The following COG5 variants were observed in gnomAD, a reference collection of about 807,000 sequenced individuals.
COG5 encodes the protein conserved oligomeric Golgi complex subunit 5.
In COG5, 86 loss-of-function variants were observed where a neutral mutation model predicts 110.4. The observed-to-expected ratio is 0.78, with a 90% CI of 0.65 to 0.93. The LOEUF (loss-of-function observed/expected upper bound fraction) is 0.93, where lower values mean the gene tolerates loss of function less well. Among genes scored for constraint, COG5 ranks in the 40% least tolerant of loss-of-function variants. The pLI, the probability that COG5 is intolerant of heterozygous loss-of-function variation, is 0.00. For synonymous variants in COG5, 360 were observed against 334.6 expected (o/e 1.08, Z -0.83); for missense variants, 1,077 against 987.0 (o/e 1.09, Z -1.22).
chr7:107,485,255 T>C (rs1267718766), intron 6 of COG5, among the ~76,000 whole-genome samples: 7 of 152,206 alleles, frequency 4.6e-5, no homozygotes, highest in Admixed American at 4.6e-4. Flanking sequence ...GCTAAAGAAC[T>C]GAACTTTCAT....
At chr7:107,445,639 T>C (rs1404005301) in intron 6 of COG5, among the ~76,000 whole-genome samples, 1 of 152,170 alleles carries the variant, frequency 6.6e-6, no homozygotes. Flanking sequence ...TTGTTCTATT[T>C]CATTCTTTAG....
intron 12 of COG5, among the ~76,000 whole-genome samples, chr7:107,289,830 T>A (rs988790891): frequency 6.6e-6 from 1 of 152,226 alleles, no homozygotes; most frequent in Non-Finnish European, 1.5e-5. Flanking sequence ...CTATCTGTCA[T>A]CATTTCCTAG....
Position 107,409,383 on chromosome 7 carries a change from C to CCAGTAGATTACTGAAAGTAATCTACTTT in COG5, c.669+3091_669+3118dup, listed in dbSNP as rs539547182. On this transcript the variant is annotated intron_variant, in intron 7 of 21. Coordinates refer to ENST00000297135, the MANE Select transcript of COG5 (RefSeq NM_006348.5). ...AACTGGGAGGTCACCCAGCAGTCAC[C>CCAGTAGATTACTGAAAGTAATCTACTTT]CAGTAGATTACTGAAAGTAATCTAC... Among the ~76,000 whole-genome samples, 596 of 150,182 alleles carry CCAGTAGATTACTGAAAGTAATCTACTTT rather than the reference C, an allele frequency of 4.0e-3. 4 individuals carry two copies. The highest frequency in any genetic ancestry group is 0.013 in the African/African-American group (514 of 40,028).
chr7:107,528,656 A>G (rs1003944299), intron 5 of COG5, among the ~76,000 whole-genome samples: 2 of 152,192 alleles, frequency 1.3e-5, no homozygotes, highest in African/African-American at 4.8e-5. Context: ...CAAAGGAAAG[A>G]GAGACATTCC....
chr7:107,374,558 C>T lies in COG5; in HGVS notation c.670-1798G>A, dbSNP rs554310008. On this transcript the variant is annotated intron_variant, in intron 7 of 21. Coordinates refer to ENST00000297135, the MANE Select transcript of COG5 (RefSeq NM_006348.5). ...ACACTTAAATTTTTCACTTAAAACA[C>T]CTAGCTAAAATAAACCACTCTTCAA... 2.0e-5 allele frequency among the ~76,000 whole-genome samples: 3 copies of T among 152,080 alleles called. No individual in the cohort carries two copies. The East Asian group carries it at 5.8e-4, about 29-fold the overall frequency.
At chr7:107,460,066 A>G (rs902207993) in intron 6 of COG5, among the ~76,000 whole-genome samples, 3 of 152,154 alleles carry the variant, frequency 2.0e-5, no homozygotes, top group East Asian at 3.9e-4. Flanking sequence ...TTAGAAACCG[A>G]TAACAAAAAA....
intron 6 of COG5, among the ~76,000 whole-genome samples, chr7:107,437,016 C>G (rs947073234): frequency 6.6e-6 from 1 of 152,024 alleles, no homozygotes; most frequent in East Asian, 1.9e-4. Context: ...ATGTATTGAC[C>G]AAGTCAAAAA....
chr7:107,465,335 T>A (rs550385611), intron 6 of COG5, among the ~76,000 whole-genome samples: 21 of 152,290 alleles, frequency 1.4e-4, no homozygotes, highest in African/African-American at 2.2e-4. Flanking sequence ...TGGATTTTTT[T>A]AAAAAATTAG....
At chr7:107,300,150 T>G (rs1309219572) in intron 11 of COG5, among the ~76,000 whole-genome samples, 2 of 151,902 alleles carry the variant, frequency 1.3e-5, no homozygotes, top group African/African-American at 2.4e-5. Context: ...TACTAAGAAC[T>G]CTCAGTCAAC....
intron 10 of COG5, among the ~76,000 whole-genome samples, chr7:107,337,235 TAC>T (rs1448871263): frequency 6.6e-6 from 1 of 152,134 alleles, no homozygotes; most frequent in South Asian, 2.1e-4. Flanking sequence ...TGGAAAATAG[TAC>T]AGAGATTTCT....
At chr7:107,359,416 C>G (rs997392684) in intron 10 of COG5, among the ~76,000 whole-genome samples, 8 of 152,236 alleles carry the variant, frequency 5.3e-5, no homozygotes, top group African/African-American at 1.9e-4. Context: ...CAGTGAGGGC[C>G]TGCAGGTGCC....
At chr7:107,353,836 T>C (rs2129042760) in intron 10 of COG5, among the ~76,000 whole-genome samples, 1 of 152,130 alleles carries the variant, frequency 6.6e-6, no homozygotes, top group East Asian at 1.9e-4. Flanking sequence ...TCTGAACTAG[T>C]AAAGCATTAC....
At chr7:107,255,069 G>A (rs1036490606) in intron 16 of COG5, among the ~76,000 whole-genome samples, 2 of 152,062 alleles carry the variant, frequency 1.3e-5, no homozygotes, top group Admixed American at 6.6e-5. Flanking sequence ...TGCTTATTAC[G>A]TATGAGGGCA....
At chr7:107,506,745 C>T (rs1341409915) in intron 6 of COG5, among the ~76,000 whole-genome samples, 1 of 152,134 alleles carries the variant, frequency 6.6e-6, no homozygotes, top group Non-Finnish European at 1.5e-5. Context: ...AGGTTTCAGG[C>T]CACGCCCCTC....
intron 10 of COG5, among the ~76,000 whole-genome samples, chr7:107,347,506 G>A (rs757370105): frequency 6.6e-6 from 1 of 152,156 alleles, no homozygotes; most frequent in Non-Finnish European, 1.5e-5. Context: ...ATAAACAATA[G>A]AAATGAATTG....
At chr7:107,296,930 T>C (rs895809050) in intron 12 of COG5, among the ~76,000 whole-genome samples, 2 of 152,208 alleles carry the variant, frequency 1.3e-5, no homozygotes, top group African/African-American at 4.8e-5. Context: ...TTCTAGTGTT[T>C]AAAGAAAGGT....
chr7:107,467,412 A>G (rs1177709342), intron 6 of COG5, among the ~76,000 whole-genome samples: 2 of 152,134 alleles, frequency 1.3e-5, no homozygotes, highest in African/African-American at 4.8e-5. Context: ...CTGGAGGGGT[A>G]GCGGTGCAAT....
At chr7:107,458,543 T>C (rs1467471210) in intron 6 of COG5, among the ~76,000 whole-genome samples, 1 of 152,088 alleles carries the variant, frequency 6.6e-6, no homozygotes, top group African/African-American at 2.4e-5. Context: ...AAAACAACCA[T>C]TAAAACAAGA....
intron 14 of COG5, among the ~76,000 whole-genome samples, chr7:107,268,970 A>G (rs568585427): frequency 6.6e-6 from 1 of 152,244 alleles, no homozygotes; most frequent in South Asian, 2.1e-4. Flanking sequence ...ATTTATTGTG[A>G]TCAGTGATGT....
Sources: allele counts gnomAD v4.1 joint callset (sites outside exome capture counted in the v4.1 genomes callset), GRCh38; gene constraint gnomAD v4.1.1; transcripts MANE v1.5; gene names NCBI Gene and HGNC (gene_info 2026-07-23, HGNC 2026-07-21).